TTC34: variants seen among roughly 807,000 people sequenced by gnomAD.
The protein encoded by TTC34 is tetratricopeptide repeat domain 34.
In TTC34, 44 loss-of-function variants were observed where a neutral mutation model predicts 40.7. The observed-to-expected ratio is 1.08, with a 90% confidence interval of 0.85 to 1.39. The LOEUF (loss-of-function observed/expected upper bound fraction) is 1.39, where lower values mean the gene tolerates loss of function less well. Ranked by LOEUF, TTC34 falls within the 40% of genes most tolerant of loss-of-function variation. TTC34 has a pLI of 0.00. For missense variants in TTC34, 884 were observed against 838.0 expected (o/e 1.05, Z -0.68); for synonymous variants, 422 against 398.6 (o/e 1.06, Z -0.70).
At chr1:2,749,431 A>T (rs1641244873) in intron 6 of TTC34, among the ~76,000 whole-genome samples, 1 of 134,986 alleles carries the variant, frequency 7.4e-6, no homozygotes, top group Non-Finnish European at 1.5e-5. Flanking sequence ...ACAGCCTGGA[A>T]CAGCACCGAC....
chr1:2,647,015 C>G (rs1169508455), intron 6 of TTC34, among the ~76,000 whole-genome samples: 1 of 152,200 alleles, frequency 6.6e-6, no homozygotes, highest in Non-Finnish European at 1.5e-5. Context: ...GTTTCTGGGA[C>G]AAATCTGCTG....
intron 8 of TTC34, among the ~76,000 whole-genome samples, chr1:2,643,178 GC>G (rs1638948043): frequency 6.6e-6 from 1 of 152,186 alleles, no homozygotes; most frequent in Admixed American, 6.5e-5. Context: ...ACTCCCCTGA[GC>G]CCGCGGCTCG....
intron 6 of TTC34, among the ~76,000 whole-genome samples, chr1:2,752,906 C>T (rs1641371920): frequency 6.6e-6 from 1 of 150,706 alleles, no homozygotes; most frequent in African/African-American, 2.5e-5. Flanking sequence ...CCCAGGTGAG[C>T]ATCCGACATC....
intron 6 of TTC34, among the ~76,000 whole-genome samples, chr1:2,755,985 A>AC (rs1440366915): frequency 2.4e-5 from 1 of 41,894 alleles, no homozygotes; most frequent in African/African-American, 2.3e-4. Context: ...GCACCCTGCA[A>AC]CCCAGGTGAG....
chr1:2,791,059 G>A (rs975898976), intron 2 of TTC34, among the ~76,000 whole-genome samples: 9 of 152,206 alleles, frequency 5.9e-5, no homozygotes, highest in African/African-American at 2.2e-4. Flanking sequence ...CCTGGAAGGG[G>A]CCTGGTGCAT....
chr1:2,773,264 G>A (rs1358522371), intron 6 of TTC34, among the ~76,000 whole-genome samples: 3 of 121,838 alleles, frequency 2.5e-5, no homozygotes, highest in Non-Finnish European at 5.4e-5. Flanking sequence ...ACACCCCCAG[G>A]TGAGCATCTG....
chr1:2,790,167 G>C (rs1293225661), exon 3 of TTC34: 2 of 398,276 alleles, frequency 5.0e-6, no homozygotes, highest in East Asian at 7.1e-5. Flanking sequence ...GCGGCCTCCT[G>C]CGCCTGAGCC....
chr1:2,748,502 C>G (rs1374139133), intron 6 of TTC34, among the ~76,000 whole-genome samples: 1,422 of 120,390 alleles, frequency 0.012, no homozygotes, highest in African/African-American at 0.015. Context: ...CATCCGATAG[C>G]CTGGAGCAGC....
chr1:2,687,531 G>A (rs1252813225), intron 6 of TTC34, among the ~76,000 whole-genome samples: 2 of 147,046 alleles, frequency 1.4e-5, no homozygotes, highest in African/African-American at 5.4e-5. Flanking sequence ...CACACCCCCA[G>A]GTGAGCATCT....
At chr1:2,772,901 C>T (rs1408749752) in intron 6 of TTC34, among the ~76,000 whole-genome samples, 1 of 115,114 alleles carries the variant, frequency 8.7e-6, no homozygotes, top group African/African-American at 3.1e-5. Flanking sequence ...CCCACACCCC[C>T]AGGTGAGCAT....
chr1:2,656,369 C>CA (rs1557589947), intron 6 of TTC34, among the ~76,000 whole-genome samples: 2 of 101,344 alleles, frequency 2.0e-5, no homozygotes, highest in African/African-American at 4.1e-5. Flanking sequence ...TGGAACAGCA[C>CA]CCACACCCAC....
At chr1:2,688,509 C>A (rs1317114092) in intron 6 of TTC34, among the ~76,000 whole-genome samples, 1 of 134,856 alleles carries the variant, frequency 7.4e-6, no homozygotes, top group African/African-American at 3.2e-5. Flanking sequence ...GAGCATCTGA[C>A]AGCCTGTAAC....
At chr1:2,787,945 G>A (rs1219432098) in intron 3 of TTC34, among the ~76,000 whole-genome samples, 2 of 152,366 alleles carry the variant, frequency 1.3e-5, no homozygotes, top group African/African-American at 4.8e-5. Context: ...GGTATAGACA[G>A]GCAGAGGCAG....
chr1:2,773,136 AAC>A (rs1642562707), intron 6 of TTC34, among the ~76,000 whole-genome samples: 2 of 141,818 alleles, frequency 1.4e-5, no homozygotes, highest in Non-Finnish European at 3.1e-5. Context: ...CAGCACACAC[AAC>A]CCCAGGCGAG....
intron 6 of TTC34, among the ~76,000 whole-genome samples, chr1:2,699,434 C>A (rs925606352): frequency 5.0e-5 from 5 of 99,998 alleles, no homozygotes; most frequent in African/African-American, 1.6e-4. Flanking sequence ...TATCTGACAG[C>A]CTGGAACATC....
chr1:2,768,389 A>G (rs1641860665), intron 6 of TTC34, among the ~76,000 whole-genome samples: 1 of 151,950 alleles, frequency 6.6e-6, no homozygotes, highest in South Asian at 2.1e-4. Flanking sequence ...CAAGGTGAGC[A>G]TATGACAGCC....
chr1:2,767,759 C>A (rs1569740353), intron 6 of TTC34, among the ~76,000 whole-genome samples: 1 of 141,632 alleles, frequency 7.1e-6, no homozygotes, highest in Non-Finnish European at 1.5e-5. Flanking sequence ...TAAAGCAGCA[C>A]CCTGCACCCC....
intron 6 of TTC34, among the ~76,000 whole-genome samples, chr1:2,651,390 C>T (rs1408393516): frequency 6.6e-6 from 1 of 152,082 alleles, no homozygotes; most frequent in African/African-American, 2.4e-5. Flanking sequence ...GAGCAGCATT[C>T]TCCAGCCCCA....
At chr1:2,649,014 C>T (rs749307321) in intron 6 of TTC34, among the ~76,000 whole-genome samples, 1 of 148,844 alleles carries the variant, frequency 6.7e-6, no homozygotes, top group Non-Finnish European at 1.5e-5. Flanking sequence ...CCCAGTTGAG[C>T]ATCTGAAACC....
Sources: allele counts gnomAD v4.1 joint callset (sites outside exome capture counted in the v4.1 genomes callset), GRCh38; gene constraint gnomAD v4.1.1; transcripts MANE v1.5; gene names NCBI Gene and HGNC (gene_info 2026-07-23, HGNC 2026-07-21).